The following CDH13 variants were observed in gnomAD, a reference collection of about 807,000 sequenced individuals.
CDH13 encodes cadherin 13.
CDH13 carries 24 observed loss-of-function variants against 63.8 expected under a neutral mutation model. The ratio of observed to expected loss-of-function variants is 0.38; its 90% CI spans 0.27 to 0.53. CDH13 has a LOEUF of 0.53. CDH13 is among the 20% of genes least tolerant of loss of function. The pLI is 0.85. For missense variants in CDH13, 1,049 were observed against 903.1 expected (o/e 1.16, Z -2.07); for synonymous variants, 503 against 355.3 (o/e 1.42, Z -4.67).
intron 1 of CDH13, among the ~76,000 whole-genome samples, chr16:82,777,251 G>A (rs549674008): frequency 6.6e-6 from 1 of 152,342 alleles, no homozygotes; most frequent in South Asian, 2.1e-4. Context: ...TTACAGGCAC[G>A]AGCCACTGTG....
chr16:83,354,072 G>C (rs2091009122), intron 6 of CDH13, among the ~76,000 whole-genome samples: 1 of 152,214 alleles, frequency 6.6e-6, no homozygotes, highest in East Asian at 1.9e-4. Context: ...CAGAAATGTA[G>C]TGATCATTCT....
intron 6 of CDH13, among the ~76,000 whole-genome samples, chr16:83,393,229 G>T (rs554010894): frequency 6.6e-6 from 1 of 152,262 alleles, no homozygotes; most frequent in Non-Finnish European, 1.5e-5. Context: ...ACCTTTGGGT[G>T]GGCAGAGGCA....
At chr16:83,281,631 C>G (rs571678698) in intron 5 of CDH13, among the ~76,000 whole-genome samples, 1 of 151,986 alleles carries the variant, frequency 6.6e-6, no homozygotes, top group Non-Finnish European at 1.5e-5. Context: ...TCAGTCTAGG[C>G]TGAGTGGTGG....
intron 7 of CDH13, among the ~76,000 whole-genome samples, chr16:83,524,125 C>T (rs938241266): frequency 1.3e-5 from 2 of 152,162 alleles, no homozygotes; most frequent in Admixed American, 6.5e-5. Flanking sequence ...TCTGTCACGA[C>T]CTTACCATGC....
chr16:83,019,512 T>C (rs922143924), intron 2 of CDH13, among the ~76,000 whole-genome samples: 7 of 150,740 alleles, frequency 4.6e-5, no homozygotes, highest in African/African-American at 1.7e-4. Flanking sequence ...TTTTTTTTTT[T>C]TGAGACAGGG....
chr16:83,256,290 C>A (rs113365104), intron 5 of CDH13, among the ~76,000 whole-genome samples: 1 of 152,050 alleles, frequency 6.6e-6, no homozygotes, highest in Non-Finnish European at 1.5e-5. Flanking sequence ...ACCTCAGCCT[C>A]CCAAAGTGCT....
intron 2 of CDH13, among the ~76,000 whole-genome samples, chr16:82,864,643 G>C (rs1251452735): frequency 6.6e-6 from 1 of 152,158 alleles, no homozygotes; most frequent in African/African-American, 2.4e-5. Flanking sequence ...TGAAACGTGA[G>C]GATTATGGGA....
intron 4 of CDH13, among the ~76,000 whole-genome samples, chr16:83,210,961 A>G (rs1007134360): frequency 2.0e-5 from 3 of 151,848 alleles, no homozygotes; most frequent in African/African-American, 7.3e-5. Flanking sequence ...CATCCTGGCT[A>G]ACACAGTGAA....
intron 6 of CDH13, among the ~76,000 whole-genome samples, chr16:83,416,252 CACAA>C (rs1428882614): frequency 6.6e-6 from 1 of 152,162 alleles, no homozygotes; most frequent in Non-Finnish European, 1.5e-5. Context: ...TTTTAAAAGA[CACAA>C]ACAGATAGAG....
intron 4 of CDH13, among the ~76,000 whole-genome samples, chr16:83,206,268 A>G (rs2039178927): frequency 6.6e-6 from 1 of 152,180 alleles, no homozygotes. Context: ...TTCTCTGACA[A>G]TCTCAGAATT....
At chr16:82,969,856 A>C (rs1382911620) in intron 2 of CDH13, among the ~76,000 whole-genome samples, 1 of 152,186 alleles carries the variant, frequency 6.6e-6, no homozygotes, top group Non-Finnish European at 1.5e-5. Context: ...TCTCCAGGAA[A>C]CGTCTTCCTA....
chr16:82,728,301 C>T (rs981798581), intron 1 of CDH13, among the ~76,000 whole-genome samples: 2 of 152,246 alleles, frequency 1.3e-5, no homozygotes, highest in East Asian at 3.9e-4. Flanking sequence ...CTTACAAGGC[C>T]TTGTTCAGTT....
chr16:82,697,358 C>G (rs2030425752), intron 1 of CDH13, among the ~76,000 whole-genome samples: 1 of 151,066 alleles, frequency 6.6e-6, no homozygotes, highest in African/African-American at 2.4e-5. Context: ...CTTTGTCACT[C>G]TCACCCCAGA....
At chr16:83,780,877 T>C (rs1915467714) in intron 12 of CDH13, among the ~76,000 whole-genome samples, 1 of 152,216 alleles carries the variant, frequency 6.6e-6, no homozygotes, top group African/African-American at 2.4e-5. Flanking sequence ...TGTGTTAACA[T>C]TAACTTTCAC....
chr16:82,693,381 C>T (rs1023723112), intron 1 of CDH13, among the ~76,000 whole-genome samples: 13 of 152,196 alleles, frequency 8.5e-5, no homozygotes, highest in African/African-American at 2.4e-4. Flanking sequence ...AATTCTTGTA[C>T]ATGAAAACAC....
intron 2 of CDH13, among the ~76,000 whole-genome samples, chr16:82,970,175 G>A (rs112521080): frequency 1.3e-5 from 2 of 152,028 alleles, no homozygotes; most frequent in African/African-American, 4.8e-5. Flanking sequence ...GAGAACATGT[G>A]GTATTTGGTT....
intron 1 of CDH13, among the ~76,000 whole-genome samples, chr16:82,676,450 C>T (rs911829450): frequency 6.6e-6 from 1 of 151,066 alleles, no homozygotes; most frequent in Admixed American, 6.6e-5. Context: ...CTCTCCCTCT[C>T]CATTGCCAGT....
Position 83,783,342 on chromosome 16 carries a change from C to T in CDH13, c.2004C>T (p.Pro668=). 1.9e-6 allele frequency: 3 copies of T among 1,613,960 alleles called. No homozygotes were observed. The highest frequency in any genetic ancestry group is 2.5e-6 in the Non-Finnish European group (3 of 1,179,852). ...PIMVTDSGKP[P]MTNITDLRVQ... is the part of the protein sequence containing the mutation. ...TGGTGACAGATTCAGGGAAACCACCCATGACGAATATCACAGATCTCAGGG... is the reference window on the plus strand; with the variant it reads ...TGGTGACAGATTCAGGGAAACCACCTATGACGAATATCACAGATCTCAGGG... The change falls in exon 13 of 14, where the codon CCC becomes CCT. Residue 668 remains proline, a synonymous_variant. Coordinates refer to ENST00000567109, the MANE Select transcript of CDH13 (RefSeq NM_001257.5).
chr16:83,154,593 C>T (rs28505696), intron 4 of CDH13, among the ~76,000 whole-genome samples: 2,253 of 151,476 alleles, frequency 0.015, 65 homozygotes, highest in African/African-American at 0.051. Context: ...GTATCTTTTA[C>T]TAGTGTTATT....
Sources: gnomAD v4.1 joint callset for allele counts (sites outside exome capture counted in the v4.1 genomes callset) on GRCh38, gnomAD v4.1.1 for gene constraint, MANE v1.5 for transcripts, NCBI Gene and HGNC (gene_info 2026-07-23, HGNC 2026-07-21) for gene names.